The following SEMA3A variants were observed in gnomAD, a reference collection of about 807,000 sequenced individuals.
SEMA3A encodes the protein semaphorin 3A, also known as semaphorin-3A.
A neutral mutation model predicts 97.9 loss-of-function variants in SEMA3A; 29 were observed. The observed-to-expected ratio is 0.30, with a 90% CI of 0.22 to 0.40. The LOEUF (loss-of-function observed/expected upper bound fraction) is 0.40, where lower values mean the gene tolerates loss of function less well. Among genes scored for constraint, SEMA3A ranks in the 10% least tolerant of loss-of-function variants. The pLI is 1.00. For missense variants in SEMA3A, 763 were observed against 951.3 expected (o/e 0.80, Z 2.60); for synonymous variants, 321 against 323.7 (o/e 0.99, Z 0.09).
chr7:84,447,229 G>A (rs2116355605), intron 1 of SEMA3A, among the ~76,000 whole-genome samples: 1 of 152,322 alleles, frequency 6.6e-6, no homozygotes, highest in Admixed American at 6.5e-5. Context: ...GGGAGGCTGA[G>A]GGCAGCTTGG....
At chr7:84,179,089 A>G (rs772982441) in intron 1 of SEMA3A, among the ~76,000 whole-genome samples, 2 of 152,104 alleles carry the variant, frequency 1.3e-5, no homozygotes, top group African/African-American at 4.8e-5. Flanking sequence ...TATATCACAC[A>G]TTTTCCCCAT....
At chr7:84,135,737 T>C (rs1387267300) in intron 1 of SEMA3A, among the ~76,000 whole-genome samples, 1 of 152,214 alleles carries the variant, frequency 6.6e-6, no homozygotes, top group Non-Finnish European at 1.5e-5. Context: ...TATTTTAATA[T>C]GTCTTTTTGA....
intron 1 of SEMA3A, among the ~76,000 whole-genome samples, chr7:84,405,283 C>A (rs903747742): frequency 6.6e-6 from 1 of 152,068 alleles, no homozygotes; most frequent in Non-Finnish European, 1.5e-5. Flanking sequence ...CAACAAAGAT[C>A]AAAAGAGACA....
chr7:84,220,378 T>C (rs1387623508), intron 3 of SEMA3A, among the ~76,000 whole-genome samples: 1 of 152,174 alleles, frequency 6.6e-6, no homozygotes, highest in East Asian at 1.9e-4. Context: ...TGGAATCGAC[T>C]TCTTCCAAAC....
In SEMA3A at chr7:84,236,600, T is replaced by G. The variant is rs368501012; in HGVS notation, c.-82-41932A>C. Among the ~76,000 whole-genome samples, 9 of 152,284 alleles carry G rather than the reference T, an allele frequency of 5.9e-5. 1 individual carries two copies. The highest frequency in any genetic ancestry group is 1.3e-4 in the Admixed American group (2 of 15,276). ...TATCTTTATCTCGCAAATACTCTATTAGTCACTAATGACTAATCCCATTCT... is the reference window on the plus strand; with the variant it reads ...TATCTTTATCTCGCAAATACTCTATGAGTCACTAATGACTAATCCCATTCT... On this transcript the variant is annotated intron_variant, in intron 3 of 3. Coordinates refer to the SEMA3A transcript ENST00000424555.
At chr7:84,057,670 T>C (rs1274722792) in intron 5 of SEMA3A, among the ~76,000 whole-genome samples, 2 of 151,294 alleles carry the variant, frequency 1.3e-5, no homozygotes. Flanking sequence ...GAGGCTGAGG[T>C]AGGAGAATTG....
At chr7:84,481,882 G>T (rs1349728038) in intron 1 of SEMA3A, among the ~76,000 whole-genome samples, 1 of 151,658 alleles carries the variant, frequency 6.6e-6, no homozygotes, top group Non-Finnish European at 1.5e-5. Flanking sequence ...CAAGTAATGA[G>T]GATATTTAAT....
At chr7:84,212,844 T>A (rs1214149941) in intron 3 of SEMA3A, among the ~76,000 whole-genome samples, 4 of 152,210 alleles carry the variant, frequency 2.6e-5, no homozygotes, top group Non-Finnish European at 5.9e-5. Context: ...TATCTGCATA[T>A]GTGTGTTTAT....
chr7:84,445,950 C>G (rs1477011513), intron 1 of SEMA3A, among the ~76,000 whole-genome samples: 1 of 151,822 alleles, frequency 6.6e-6, no homozygotes, highest in Non-Finnish European at 1.5e-5. Context: ...AATGGACACA[C>G]CTTTAACTAT....
At chr7:84,094,253 C>T (rs919297261) in intron 4 of SEMA3A, among the ~76,000 whole-genome samples, 1 of 152,006 alleles carries the variant, frequency 6.6e-6, no homozygotes, top group African/African-American at 2.4e-5. Flanking sequence ...CATACAGGCA[C>T]CATCTTTGAG....
rs140292663 is a variant in SEMA3A at position 84,082,361 on chromosome 7, G to A, written c.454-21803C>T. 2.7e-3 allele frequency among the ~76,000 whole-genome samples: 414 copies of A among 152,194 alleles called. 2 individuals are homozygous for A. The highest frequency in any genetic ancestry group is 9.3e-3 in the African/African-American group (387 of 41,528). ...AGCAGGAAGTGGGAAGTGGAAAGTC[G>A]AAAGAACTTAATTTGCTATTAACAG... On this transcript the variant is annotated intron_variant, in intron 4 of 16. Transcript: ENST00000265362.
chr7:84,357,589 T>G (rs1802597600), intron 2 of SEMA3A, among the ~76,000 whole-genome samples: 1 of 152,272 alleles, frequency 6.6e-6, no homozygotes, highest in East Asian at 1.9e-4. Flanking sequence ...AGTGCCGCAA[T>G]AAACATATGT....
intron 3 of SEMA3A, among the ~76,000 whole-genome samples, chr7:84,112,179 A>G (rs3801642): frequency 0.49 from 74,269 of 152,058 alleles, 19,344 homozygotes; most frequent in East Asian, 0.71. Flanking sequence ...TTTGAAACAC[A>G]TAGGTGGCCA....
chr7:84,014,994 T>C (rs927622128), intron 6 of SEMA3A, among the ~76,000 whole-genome samples: 1 of 152,180 alleles, frequency 6.6e-6, no homozygotes, highest in South Asian at 2.1e-4. Context: ...CAGGAAACTA[T>C]TGCCAATCTG....
Position 84,392,167 on chromosome 7 carries a change from C to T in SEMA3A, c.-245-20267G>A, listed in dbSNP as rs139944307. On this transcript the variant is annotated intron_variant, in intron 1 of 3. Transcript: ENST00000424555. ...ACAATATTAAGTTATTAGAGGTATT[C>T]GTCATGCTGTGTAATAGACCTAAAA... 4.1e-3 allele frequency among the ~76,000 whole-genome samples: 628 copies of T among 152,110 alleles called. 3 individuals are homozygous for T. The Middle Eastern group carries it at 0.048, about 12-fold the overall frequency.
chr7:84,131,100 G>A (rs1398852160), intron 2 of SEMA3A, among the ~76,000 whole-genome samples: 1 of 151,634 alleles, frequency 6.6e-6, no homozygotes, highest in Admixed American at 6.6e-5. Context: ...GAGTTCCAGG[G>A]TTAATAATAA....
At chr7:84,454,785 A>AACAT (rs1554390474) in intron 1 of SEMA3A, among the ~76,000 whole-genome samples, 1 of 151,314 alleles carries the variant, frequency 6.6e-6, no homozygotes, top group African/African-American at 2.4e-5. Flanking sequence ...AAACTTAGAC[A>AACAT]ATATTTAATC....
chr7:83,984,294 C>T (rs1789540670), intron 13 of SEMA3A, among the ~76,000 whole-genome samples: 1 of 152,078 alleles, frequency 6.6e-6, no homozygotes, highest in Non-Finnish European at 1.5e-5. Context: ...TTTCAGATTA[C>T]GAGAACAGAT....
At chr7:84,410,915 A>G (rs190205487) in intron 1 of SEMA3A, among the ~76,000 whole-genome samples, 1 of 152,214 alleles carries the variant, frequency 6.6e-6, no homozygotes, top group Admixed American at 6.6e-5. Flanking sequence ...CACAGTGACA[A>G]CTATTAGATA....
Sources: gnomAD v4.1 joint callset for allele counts (sites outside exome capture counted in the v4.1 genomes callset) on GRCh38, gnomAD v4.1.1 for gene constraint, MANE v1.5 for transcripts, NCBI Gene and HGNC (gene_info 2026-07-23, HGNC 2026-07-21) for gene names.